The following CALD1 variants were observed in gnomAD, a reference collection of about 807,000 sequenced individuals.
The protein encoded by CALD1 is caldesmon.
CALD1 carries 33 observed loss-of-function variants against 99.9 expected under a neutral mutation model. The observed-to-expected ratio is 0.33, with a 90% CI of 0.25 to 0.44. The LOEUF (loss-of-function observed/expected upper bound fraction) is 0.44. Ranked by LOEUF, CALD1 falls within the 20% of genes least tolerant of loss-of-function variation. The pLI, the probability that CALD1 is intolerant of heterozygous loss-of-function variation, is 1.00. For synonymous variants in CALD1, 310 were observed against 325.0 expected, an observed-to-expected ratio of 0.95 and a Z score of 0.50; for missense variants, 861 against 962.1, an observed-to-expected ratio of 0.89 and a Z score of 1.39.
At chr7:134,924,367 A>G (rs934356813) in intron 3 of CALD1, among the ~76,000 whole-genome samples, 2 of 152,108 alleles carry the variant, frequency 1.3e-5, no homozygotes, top group African/African-American at 4.8e-5. Context: ...AATTCAGGGT[A>G]CTTTTTTTTC....
intron 3 of CALD1, among the ~76,000 whole-genome samples, chr7:134,919,484 A>G (rs1804455034): frequency 6.6e-6 from 1 of 152,220 alleles, no homozygotes; most frequent in South Asian, 2.1e-4. Context: ...TCACCATTGT[A>G]TAAAGCAAAT....
chr7:134,802,445 A>C (rs1239132521), intron 1 of CALD1, among the ~76,000 whole-genome samples: 1 of 152,232 alleles, frequency 6.6e-6, no homozygotes, highest in Non-Finnish European at 1.5e-5. Flanking sequence ...GAATTAATAT[A>C]CATAACTTGT....
intron 1 of CALD1, among the ~76,000 whole-genome samples, chr7:134,827,686 AG>A (rs1327102442): frequency 3.9e-5 from 6 of 152,206 alleles, no homozygotes; most frequent in Non-Finnish European, 7.3e-5. Context: ...AATTTATCAG[AG>A]TGCTGAGAGT....
At chr7:134,893,906 C>T (rs578100254) in intron 3 of CALD1, among the ~76,000 whole-genome samples, 2 of 152,098 alleles carry the variant, frequency 1.3e-5, no homozygotes, top group East Asian at 1.9e-4. Flanking sequence ...GAGAAGTACA[C>T]AATTTTCATC....
Position 134,813,421 on chromosome 7 carries a change from G to A in CALD1, c.-129-30463G>A, listed in dbSNP as rs114197147. On this transcript the variant is annotated intron_variant, in intron 1 of 14. Coordinates refer to ENST00000361675, the MANE Select transcript of CALD1 (RefSeq NM_033138.4). Reference sequence around the variant, plus strand: ...ATCATTGATGATGCATAAGAGAGGTGACAATTGCTAGAGCAATGTCCTTGG... The same window carrying A: ...ATCATTGATGATGCATAAGAGAGGTAACAATTGCTAGAGCAATGTCCTTGG... Among the ~76,000 whole-genome samples the A allele has an allele frequency of 2.5e-3, 375 of 152,250 alleles. 1 individual carries two copies. Among genetic ancestry groups the A allele is most frequent in the African/African-American group, 8.8e-3 (365 of 41,540 alleles).
At chr7:134,952,742 T>C (rs1040378682) in intron 9 of CALD1, among the ~76,000 whole-genome samples, 1 of 152,156 alleles carries the variant, frequency 6.6e-6, no homozygotes, top group Non-Finnish European at 1.5e-5. Context: ...GTGCTGGGAT[T>C]ACACGCATGA....
At position 134,968,549 on chromosome 7, in the gene CALD1, C is replaced by T. The variant is rs1808842168; in HGVS notation, c.*204C>T. 1 of 705,734 alleles carries T rather than the reference C, an allele frequency of 1.4e-6. No individual in the cohort carries two copies. The highest frequency in any genetic ancestry group is 2.0e-5 in the Admixed American group (1 of 49,868). 43.7% of individuals were successfully genotyped at this position (705,734 alleles called of 1,614,324 possible). A position where few individuals can be genotyped will look rare whatever the true frequency, so the allele number is the denominator to read the frequency against. On this transcript the variant is annotated 3_prime_UTR_variant, in exon 15 of 15. Coordinates refer to ENST00000361675, the MANE Select transcript of CALD1 (RefSeq NM_033138.4). ...GTTCATGGTAAAAGTACTGCCTTTG[C>T]ACAGGAGCCTGTTTCTAAAGAAACC...
chr7:134,901,439 C>T (rs987776500), intron 3 of CALD1, among the ~76,000 whole-genome samples: 3 of 152,102 alleles, frequency 2.0e-5, no homozygotes, highest in African/African-American at 4.8e-5. Flanking sequence ...AATGGGGGAA[C>T]GTAGGTGTTT....
At chr7:134,894,617 G>A (rs555118892) in intron 3 of CALD1, among the ~76,000 whole-genome samples, 200 of 152,300 alleles carry the variant, frequency 1.3e-3, no homozygotes, top group African/African-American at 4.5e-3. Flanking sequence ...TTCATCACCT[G>A]TAGAGCAAGA....
At chr7:134,875,561 C>T (rs1010005676) in intron 3 of CALD1, among the ~76,000 whole-genome samples, 4 of 152,134 alleles carry the variant, frequency 2.6e-5, no homozygotes, top group Non-Finnish European at 4.4e-5. Context: ...TGCTTGAACC[C>T]GGGAGGTGGA....
the CALD1 span, among the ~76,000 whole-genome samples, chr7:134,720,328 G>A: frequency 1.3e-5 from 2 of 152,016 alleles, no homozygotes; most frequent in African/African-American, 2.4e-5. Context: ...AAAAACTGAC[G>A]GCTGCTAATC....
the CALD1 span, among the ~76,000 whole-genome samples, chr7:134,730,373 G>A: frequency 2.0e-5 from 3 of 152,082 alleles, no homozygotes; most frequent in African/African-American, 4.8e-5. Context: ...ACCAGACCAG[G>A]GACTGGTGGA....
At chr7:134,965,435 A>C (rs948283420) in intron 14 of CALD1, 49 bp downstream of exon 14, 1 of 885,166 alleles carries the variant, frequency 1.1e-6, no homozygotes, top group Non-Finnish European at 1.9e-6. Flanking sequence ...TTCCTGATGT[A>C]TGGTGTAGTA....
At chr7:134,854,495 C>T (rs994506741) in intron 2 of CALD1, among the ~76,000 whole-genome samples, 4 of 152,158 alleles carry the variant, frequency 2.6e-5, no homozygotes, top group African/African-American at 9.7e-5. Context: ...ATGCAGAAGA[C>T]GACAGGACTT....
intron 3 of CALD1, among the ~76,000 whole-genome samples, chr7:134,887,024 A>C (rs1388064837): frequency 6.6e-6 from 1 of 152,250 alleles, no homozygotes; most frequent in East Asian, 1.9e-4. Flanking sequence ...CACCATTATA[A>C]GGGCAATAAG....
intron 2 of CALD1, among the ~76,000 whole-genome samples, chr7:134,851,967 G>T (rs572709730): frequency 1.3e-5 from 2 of 152,300 alleles, no homozygotes; most frequent in South Asian, 2.1e-4. Flanking sequence ...TTTTCAATGA[G>T]TTCAACTCAG....
intron 3 of CALD1, among the ~76,000 whole-genome samples, chr7:134,880,618 T>G (rs567902389): frequency 1.3e-5 from 2 of 151,042 alleles, no homozygotes; most frequent in South Asian, 4.2e-4. Flanking sequence ...TGTGTAGATC[T>G]TGATCTTTTT....
At chr7:134,822,850 C>T (rs928771372) in intron 1 of CALD1, among the ~76,000 whole-genome samples, 20 of 152,282 alleles carry the variant, frequency 1.3e-4, no homozygotes, top group Admixed American at 1.2e-3. Flanking sequence ...TTAGTTGCCT[C>T]TATCTCCCTG....
chr7:134,887,910 C>T (rs1300096431), intron 3 of CALD1, among the ~76,000 whole-genome samples: 2 of 151,974 alleles, frequency 1.3e-5, no homozygotes, highest in East Asian at 1.9e-4. Flanking sequence ...GTGTCATAAG[C>T]GCATTAGGGC....
Sources: gnomAD v4.1 joint callset for allele counts (sites outside exome capture counted in the v4.1 genomes callset) on GRCh38, gnomAD v4.1.1 for gene constraint, MANE v1.5 for transcripts, NCBI Gene and HGNC (gene_info 2026-07-23, HGNC 2026-07-21) for gene names.